UAP1L1: variants seen among roughly 807,000 people sequenced by gnomAD.
The protein encoded by UAP1L1 is UDP-N-acetylhexosamine pyrophosphorylase-like protein 1.
A neutral mutation model predicts 45.3 loss-of-function variants in UAP1L1; 45 were observed. The ratio of observed to expected loss-of-function variants is 0.99; its 90% CI spans 0.78 to 1.27. The LOEUF is 1.27. Among genes scored for constraint, UAP1L1 ranks in the 50% most tolerant of loss-of-function variants. UAP1L1 has a pLI of 0.00. For missense variants in UAP1L1, 667 were observed against 694.0 expected, an observed-to-expected ratio of 0.96 and a Z score of 0.44; for synonymous variants, 323 against 303.9, an observed-to-expected ratio of 1.06 and a Z score of -0.65.
intron 3 of UAP1L1, 21 bp downstream of exon 3, chr9:137,078,698 G>C: frequency 1.2e-6 from 2 of 1,602,672 alleles, no homozygotes; most frequent in South Asian, 1.1e-5. Flanking sequence ...TTCCTGAGAC[G>C]GGGAGGGACC....
At position 137,078,476 on chromosome 9, in the gene UAP1L1, G is replaced by A. The variant is rs765871158; in HGVS notation, c.495-26G>A. 3.1e-6 allele frequency: 5 copies of A among 1,612,616 alleles called. No individual in the cohort carries two copies. In the Admixed American group the frequency reaches 8.3e-5, roughly 27 times the overall value. On this transcript the variant is annotated intron_variant, in intron 2 of 8. Transcript: ENST00000409858. The stretch of plus-strand genomic sequence containing the variant: ...GCCTGCAGGGCCAGGCGTACTCGCG[G>A]CCGGCTCACCGCGCCTCCCTTGCAG...
chr9:137,078,056 G>C lies in UAP1L1; in HGVS notation c.296G>C (p.Arg99Pro), dbSNP rs1245488889. Residue 99 changes from arginine to proline, a missense_variant, in exon 2 of 9, where the codon CGT becomes CCT. Arg to Pro is a moderately radical substitution (Grantham distance 103, BLOSUM62 -2). Coordinates refer to ENST00000409858, the MANE Select transcript of UAP1L1 (RefSeq NM_207309.3). ...ACGGCGCCCGTACCCCCAGGTTTCC[G>C]TCAGATTTCTCTGAACAAGGTGGCC... is the stretch of plus-strand genomic sequence containing the variant. ...TRRRWEEEGF[R>P]QISLNKVAVL... The C allele has an allele frequency of 3.2e-6, 5 of 1,549,186 alleles. No individual in the cohort carries two copies. Among genetic ancestry groups the C allele is most frequent in the Non-Finnish European group, 4.4e-6 (5 of 1,146,886 alleles).
chr9:137,079,425 G>C lies in UAP1L1; in HGVS notation c.1013G>C (p.Arg338Pro). 1 of 1,596,594 alleles carries C rather than the reference G, an allele frequency of 6.3e-7. No individual in the cohort carries two copies. The highest frequency in any genetic ancestry group is 8.6e-7 in the Non-Finnish European group (1 of 1,167,786). Residue 338 changes from arginine to proline, a missense_variant, in exon 5 of 9, where the codon CGA becomes CCA. Coordinates refer to ENST00000409858, the MANE Select transcript of UAP1L1 (RefSeq NM_207309.3). ...AACATCTGCAACCACTTCTTCACCC[G>C]AGGCTTCCTTAAGGCGGTCACCAGG... ...AGNICNHFFT[R>P]GFLKAVTREF...
chr9:137,080,439 C>T lies in UAP1L1; in HGVS notation c.1179-250C>T, dbSNP rs543524296. The T allele has an allele frequency of 5.0e-4, 297 of 592,030 alleles. 1 individual carries two copies. The highest frequency in any genetic ancestry group is 5.0e-3 in the South Asian group (227 of 45,670). 36.7% of individuals were successfully genotyped at this position (592,030 alleles called of 1,614,324 possible). A position where few individuals can be genotyped will look rare whatever the true frequency, so the allele number is the denominator to read the frequency against. On this transcript the variant is annotated intron_variant, in intron 6 of 8. Coordinates refer to ENST00000409858, the MANE Select transcript of UAP1L1 (RefSeq NM_207309.3). ...TCCTGGCCAGGTTGCCAGGGCGGCT[C>T]GCAGGGCCTTTGGCCCTCACTGCAG...
rs749361469 is a variant in UAP1L1, at chr9:137,080,776, C to T, written c.1266C>T (p.Thr422=). 22 of 1,612,634 alleles carry T rather than the reference C, an allele frequency of 1.4e-5. No individual in the cohort carries two copies. Among genetic ancestry groups the T allele is most frequent in the South Asian group, 2.2e-5 (2 of 91,090 alleles). ...AEPADRDSPR[T]ARQALLTQHY... ...CAGCCGACAGGGACAGTCCCCGCAC[C>T]GCTCGCCAGGCCCTGCTCACCCAGC... The change falls in exon 7 of 9, where the codon ACC becomes ACT. Residue 422 remains threonine, a synonymous_variant. Coordinates refer to ENST00000409858, the MANE Select transcript of UAP1L1 (RefSeq NM_207309.3).
Position 137,080,329 on chromosome 9 carries a change from G to A in UAP1L1, c.1178+187G>A, listed in dbSNP as rs993293709. On this transcript the variant is annotated intron_variant, in intron 6 of 8. Transcript: ENST00000409858. ...AGCAGCCCCTGAGGTGGGGGCATAG[G>A]GAGTCCTTGGGGCTGTGGACTTGGG... is the stretch of plus-strand genomic sequence containing the variant. The A allele has an allele frequency of 1.7e-5, 12 of 687,254 alleles. No individual in the cohort carries two copies. The Admixed American group carries it at 2.8e-4, about 16-fold the overall frequency. The allele number at this position is 687,254 out of a possible 1,614,324, so 42.6% of individuals were successfully genotyped here. A position where few individuals can be genotyped will look rare whatever the true frequency, so the allele number is the denominator to read the frequency against.
intron 3 of UAP1L1, 73 bp from the exon 4 acceptor site, chr9:137,078,903 C>A: frequency 6.6e-7 from 1 of 1,508,602 alleles, no homozygotes; most frequent in East Asian, 2.3e-5. Flanking sequence ...CCCCCGCCTC[C>A]AGCACGTCCT....
chr9:137,082,043 C>G lies in UAP1L1; in HGVS notation c.1410C>G (p.Pro470=). The G allele has an allele frequency of 6.2e-7, 1 of 1,614,036 alleles. No homozygotes were observed. Among genetic ancestry groups the G allele is most frequent in the Non-Finnish European group, 8.5e-7 (1 of 1,180,004 alleles). Reference sequence around the variant, plus strand: ...CTCCGGCCATCTGTGAGATATCGCCCTTGGTGTCTTACTCTGGAGAGGTGA... The same window carrying G: ...CTCCGGCCATCTGTGAGATATCGCCGTTGGTGTCTTACTCTGGAGAGGTGA... ...GDPPAICEIS[P]LVSYSGEGLE... is the part of the protein sequence containing the mutation. The change falls in exon 8 of 9, where the codon CCC becomes CCG. Residue 470 remains proline, a synonymous_variant. Coordinates refer to ENST00000409858, the MANE Select transcript of UAP1L1 (RefSeq NM_207309.3). This position sits in a 1 kb window ranked among gnomAD's most constrained non-coding sequence, Gnocchi z 5.7.
rs763186918 is a variant in UAP1L1, at chr9:137,082,767, C to CA, written c.*39dup. 29 of 1,505,000 alleles carry CA rather than the reference C, an allele frequency of 1.9e-5. No homozygotes were observed. In the South Asian group the frequency reaches 3.5e-4, roughly 18 times the overall value. The allele number at this position is 1,505,000 out of a possible 1,614,324, so 93.2% of individuals were successfully genotyped here. A position where few individuals can be genotyped will look rare whatever the true frequency, so the allele number is the denominator to read the frequency against. ...GTCCCCAGACTCCCCCGAGACCTGCCAGCCCCGGCATCCTGGAAGTCCCGA... is the reference window on the plus strand; with the variant it reads ...GTCCCCAGACTCCCCCGAGACCTGCCAAGCCCCGGCATCCTGGAAGTCCCGA... On this transcript the variant is annotated 3_prime_UTR_variant, in exon 9 of 9. Coordinates refer to ENST00000409858, the MANE Select transcript of UAP1L1 (RefSeq NM_207309.3). The surrounding 1 kb of genome is among the most constrained non-coding windows in gnomAD (Gnocchi z 5.7).
Position 137,079,276 on chromosome 9 carries a change from C to G in UAP1L1, c.864C>G (p.Pro288=), listed in dbSNP as rs1360828680. Residue 288 remains proline, a synonymous_variant, in exon 5 of 9, where the codon CCC becomes CCG. Coordinates refer to ENST00000409858, the MANE Select transcript of UAP1L1 (RefSeq NM_207309.3). ...CGAKVVEKAY[P]EEPVGVVCQV... ...TGCAGGTGGTGGAAAAGGCATACCCCGAGGAGCCCGTGGGCGTGGTGTGCC... is the reference window on the plus strand; with the variant it reads ...TGCAGGTGGTGGAAAAGGCATACCCGGAGGAGCCCGTGGGCGTGGTGTGCC... The G allele has an allele frequency of 1.9e-6, 3 of 1,611,284 alleles. No homozygotes were observed. Among genetic ancestry groups the G allele is most frequent in the Non-Finnish European group, 1.7e-6 (2 of 1,178,696 alleles).
intron 3 of UAP1L1, 31 bp downstream of exon 3, chr9:137,078,708 C>A: frequency 1.3e-6 from 2 of 1,591,814 alleles, no homozygotes; most frequent in South Asian, 1.1e-5. Flanking sequence ...GGGGAGGGAC[C>A]GCCCAGACTA....
At position 137,077,715 on chromosome 9, in the gene UAP1L1, C is replaced by A; in HGVS notation, c.183C>A (p.His61Gln). The A allele has an allele frequency of 8.6e-7, 1 of 1,158,956 alleles. No homozygotes were observed. Among genetic ancestry groups the A allele is most frequent in the Non-Finnish European group, 1.1e-6 (1 of 941,884 alleles). 71.8% of individuals were successfully genotyped at this position (1,158,956 alleles called of 1,614,324 possible). ...RRAAEACARP[H>Q]GPPPDLAARL... The stretch of plus-strand genomic sequence containing the variant: ...CGGCGGAGGCCTGCGCGCGCCCCCA[C>A]GGCCCGCCGCCCGACTTGGCCGCGC... Residue 61 changes from histidine (H) to glutamine (Q), a missense_variant, in exon 1 of 9, where the codon CAC becomes CAA. Coordinates refer to ENST00000409858, the MANE Select transcript of UAP1L1 (RefSeq NM_207309.3). The surrounding 1 kb of genome is among the most constrained non-coding windows in gnomAD (Gnocchi z 4.7).
intron 6 of UAP1L1, 57 bp from the exon 7 acceptor site, chr9:137,080,632 C>G (rs761715936): frequency 1.3e-6 from 2 of 1,538,866 alleles, no homozygotes; most frequent in Admixed American, 1.8e-5. Context: ...CAGCTCTCAC[C>G]TGCCCGGATC....
At chr9:137,080,946 C>T in intron 7 of UAP1L1, 72 bp downstream of exon 7, 2 of 1,403,258 alleles carry the variant, frequency 1.4e-6, no homozygotes, top group Non-Finnish European at 1.9e-6. Context: ...GCTCCAGAGC[C>T]CTGTTGGCTC....
In UAP1L1 at chr9:137,082,546, G is replaced by A. The variant is rs913582934; in HGVS notation, c.1432-91G>A. 6.6e-6 allele frequency: 7 copies of A among 1,062,960 alleles called. No homozygotes were observed. Among genetic ancestry groups the A allele is most frequent in the Admixed American group, 2.1e-5 (1 of 46,910 alleles). The allele number at this position is 1,062,960 out of a possible 1,614,324, so 65.8% of individuals were successfully genotyped here. On this transcript the variant is annotated intron_variant, in intron 8 of 8. Coordinates refer to ENST00000409858, the MANE Select transcript of UAP1L1 (RefSeq NM_207309.3). This position sits in a 1 kb window ranked among gnomAD's most constrained non-coding sequence, Gnocchi z 5.7. ...CCTGACTCCAGGCAGACCTGGGATC[G>A]CACCTGGGGACTGTGGCTCTTGGTG...
In UAP1L1 at chr9:137,078,047, C is replaced by A. The variant is rs1203327662; in HGVS notation, c.290-3C>A. 1.3e-6 allele frequency: 2 copies of A among 1,548,510 alleles called. No individual in the cohort carries two copies. Among genetic ancestry groups the A allele is most frequent in the Non-Finnish European group, 1.7e-6 (2 of 1,146,872 alleles). On this transcript the variant is annotated splice_region_variant and splice_polypyrimidine_tract_variant and intron_variant, in intron 1 of 8. Transcript: ENST00000409858. ...CGTCCCTTCACGGCGCCCGTACCCC[C>A]AGGTTTCCGTCAGATTTCTCTGAAC...
chr9:137,081,921 C>T, intron 7 of UAP1L1, 77 bp from the exon 8 acceptor site: 3 of 1,392,060 alleles, frequency 2.2e-6, no homozygotes, highest in Non-Finnish European at 3.1e-6. Flanking sequence ...GCTCAGTCTC[C>T]TATCGGGACT....
At chr9:137,079,923 C>T in intron 5 of UAP1L1, 79 bp from the exon 6 acceptor site, 4 of 1,564,774 alleles carry the variant, frequency 2.6e-6, no homozygotes, top group African/African-American at 1.4e-5. Flanking sequence ...GCTGGGTGTG[C>T]TCAGAAGTGG....
chr9:137,077,686 CG>C lies in UAP1L1; in HGVS notation c.157del (p.Ala53ArgfsTer51). 1 of 1,156,636 alleles carries C rather than the reference CG, an allele frequency of 8.6e-7. No individual in the cohort carries two copies. Among genetic ancestry groups the C allele is most frequent in the Non-Finnish European group, 1.1e-6 (1 of 939,244 alleles). The allele number at this position is 1,156,636 out of a possible 1,614,324, so 71.6% of individuals were successfully genotyped here. A position where few individuals can be genotyped will look rare whatever the true frequency, so the allele number is the denominator to read the frequency against. On this transcript the variant is annotated frameshift_variant, in exon 1 of 9. Coordinates refer to ENST00000409858, the MANE Select transcript of UAP1L1 (RefSeq NM_207309.3). LOFTEE classifies it high-confidence loss of function. The surrounding 1 kb of genome is among the most constrained non-coding windows in gnomAD (Gnocchi z 4.7). ...EPEALREHCR[R>X]AAEACARPHG... ...CGAGGCGCTGCGCGAGCACTGCCGG[CG>C]GGCGGCGGAGGCCTGCGCGCGCCCC...
Sources: gnomAD v4.1 joint callset for allele counts on GRCh38, gnomAD v4.1.1 for gene constraint, Gnocchi (gnomAD v3.1) non-coding constraint, MANE v1.5 for transcripts, NCBI Gene and HGNC (gene_info 2026-07-23, HGNC 2026-07-21) for gene names.